The following RBFOX1 variants were observed in gnomAD, a reference collection of about 807,000 sequenced individuals.
RBFOX1 encodes RNA binding protein fox-1 homolog 1.
A neutral mutation model predicts 57.7 loss-of-function variants in RBFOX1; 8 were observed. The observed-to-expected ratio is 0.14, with a 90% CI of 0.08 to 0.25. The LOEUF (loss-of-function observed/expected upper bound fraction) is 0.25. Among genes scored for constraint, RBFOX1 ranks in the 10% least tolerant of loss-of-function variants. The probability of loss-of-function intolerance (pLI) is 1.00; values close to 1 mark genes in which losing one functional copy is unlikely to be tolerated. For synonymous variants in RBFOX1, 326 were observed against 222.4 expected (o/e 1.47, Z -4.15); for missense variants, 611 against 548.5 (o/e 1.11, Z -1.14).
At chr16:6,231,846 T>G (rs943418941) in intron 1 of RBFOX1, among the ~76,000 whole-genome samples, 6 of 151,378 alleles carry the variant, frequency 4.0e-5, no homozygotes, top group East Asian at 3.9e-4. Flanking sequence ...TTTTTTTTTT[T>G]TTTTTTGTCC....
At chr16:5,716,030 A>T (rs1038720730) in intron 3 of RBFOX1, among the ~76,000 whole-genome samples, 1 of 152,244 alleles carries the variant, frequency 6.6e-6, no homozygotes, top group Non-Finnish European at 1.5e-5. Context: ...CAAGGCAGGA[A>T]TAAGGATAAT....
intron 4 of RBFOX1, among the ~76,000 whole-genome samples, chr16:7,280,071 G>T (rs1450679293): frequency 6.6e-6 from 1 of 152,234 alleles, no homozygotes; most frequent in Non-Finnish European, 1.5e-5. Context: ...ATTCAAAACA[G>T]ATTGTGCCTG....
intron 3 of RBFOX1, among the ~76,000 whole-genome samples, chr16:6,805,637 A>T (rs1216029847): frequency 6.7e-6 from 1 of 149,904 alleles, no homozygotes; most frequent in African/African-American, 2.5e-5. Flanking sequence ...CTCTTCGAGG[A>T]TGTTTACAAG....
intron 3 of RBFOX1, among the ~76,000 whole-genome samples, chr16:6,742,092 C>T (rs192683124): frequency 8.5e-5 from 13 of 152,150 alleles, no homozygotes; most frequent in Admixed American, 6.5e-4. Flanking sequence ...TCATGTTGTA[C>T]GTGATAAATA....
chr16:6,777,265 T>A (rs970546672), intron 3 of RBFOX1, among the ~76,000 whole-genome samples: 1 of 152,128 alleles, frequency 6.6e-6, no homozygotes, highest in Non-Finnish European at 1.5e-5. Context: ...TGGCATTGCT[T>A]TTTTAGTTTT....
rs2095297428 is a variant in RBFOX1 at position 6,477,795 on chromosome 16, AT to A, written c.-64+160741del. Among the ~76,000 whole-genome samples, 4 of 152,308 alleles carry A rather than the reference AT, an allele frequency of 2.6e-5. 1 individual carries two copies. The highest frequency in any genetic ancestry group is 9.6e-5 in the African/African-American group (4 of 41,580). ...GTTTTGTCTACACTGAAAATCTGTCATTTAGTGTAGCCACCTTCGTCAGTGA... is the reference window on the plus strand; with the variant it reads ...GTTTTGTCTACACTGAAAATCTGTCATTAGTGTAGCCACCTTCGTCAGTGA... On this transcript the variant is annotated intron_variant, in intron 2 of 15. Transcript: ENST00000550418.
At chr16:6,953,168 A>C (rs1013232401) in intron 3 of RBFOX1, among the ~76,000 whole-genome samples, 1 of 152,100 alleles carries the variant, frequency 6.6e-6, no homozygotes, top group South Asian at 2.1e-4. Context: ...AAAAATAACC[A>C]TGATCATTCC....
intron 3 of RBFOX1, among the ~76,000 whole-genome samples, chr16:5,620,582 C>T (rs1567308364): frequency 6.6e-6 from 1 of 152,196 alleles, no homozygotes. Context: ...CTTGCTGTGT[C>T]TTCTTACGGC....
At chr16:5,906,562 T>C (rs2058461534) in intron 4 of RBFOX1, among the ~76,000 whole-genome samples, 2 of 152,144 alleles carry the variant, frequency 1.3e-5, no homozygotes, top group African/African-American at 2.4e-5. Context: ...CAGGACTTTA[T>C]TATGGCAGCC....
chr16:7,236,422 C>A (rs1302104882), intron 4 of RBFOX1, among the ~76,000 whole-genome samples: 1 of 152,144 alleles, frequency 6.6e-6, no homozygotes, highest in Non-Finnish European at 1.5e-5. Flanking sequence ...TGCACAACAT[C>A]TGGCCTTCAG....
intron 4 of RBFOX1, among the ~76,000 whole-genome samples, chr16:7,110,187 CAAAAAAA>C (rs59148096): frequency 7.4e-6 from 1 of 135,168 alleles, no homozygotes; most frequent in African/African-American, 2.8e-5. Flanking sequence ...CCCCGTGTCT[CAAAAAAA>C]AAAAAAAAAA....
At chr16:5,535,588 C>T (rs1253761101) in intron 2 of RBFOX1, among the ~76,000 whole-genome samples, 1 of 152,190 alleles carries the variant, frequency 6.6e-6, no homozygotes, top group Non-Finnish European at 1.5e-5. Flanking sequence ...GGGCTTACAG[C>T]TCTCCCCACT....
intron 4 of RBFOX1, among the ~76,000 whole-genome samples, chr16:7,352,031 G>A (rs965048037): frequency 4.6e-5 from 7 of 152,118 alleles, no homozygotes; most frequent in African/African-American, 1.7e-4. Context: ...GACTTGGGGT[G>A]GCTGAGAGTT....
chr16:6,111,677 G>A (rs781439721), intron 1 of RBFOX1, among the ~76,000 whole-genome samples: 93 of 152,324 alleles, frequency 6.1e-4, no homozygotes, highest in Middle Eastern at 3.4e-3. Flanking sequence ...GATGAAGGCA[G>A]TATTTCAAGG....
intron 4 of RBFOX1, among the ~76,000 whole-genome samples, chr16:7,499,036 C>A (rs939077105): frequency 2.6e-5 from 4 of 152,192 alleles, no homozygotes; most frequent in Non-Finnish European, 5.9e-5. Context: ...TCTTCCGTGA[C>A]TAGCACGTAA....
At position 6,097,103 on chromosome 16, in the gene RBFOX1, C is replaced by T. The variant is rs2096254268; in HGVS notation, c.-127+77111C>T. On this transcript the variant is annotated intron_variant, in intron 1 of 15. Transcript: ENST00000550418. The surrounding 1 kb of genome is among the most constrained non-coding windows in gnomAD (Gnocchi z 5.0). ...TGGTGGTGAGTAAGTCTTACTAGAT[C>T]TGATGGTTTGATAAGGGGAAATCGC... Among the ~76,000 whole-genome samples the T allele has an allele frequency of 6.6e-6, 1 of 152,120 alleles. No homozygotes were observed. Among genetic ancestry groups the T allele is most frequent in the African/African-American group, 2.4e-5 (1 of 41,410 alleles).
chr16:5,925,788 C>G (rs556045852), intron 4 of RBFOX1, among the ~76,000 whole-genome samples: 5 of 152,222 alleles, frequency 3.3e-5, no homozygotes, highest in African/African-American at 9.6e-5. Flanking sequence ...CACCCTCTTT[C>G]CTGAAGAGGA....
At chr16:6,588,159 A>C (rs767847071) in intron 2 of RBFOX1, among the ~76,000 whole-genome samples, 22 of 151,970 alleles carry the variant, frequency 1.4e-4, no homozygotes, top group Non-Finnish European at 2.9e-4. Context: ...TGAACCTGGG[A>C]GGCAGAGGTT....
At chr16:7,308,680 A>G (rs549437413) in intron 4 of RBFOX1, among the ~76,000 whole-genome samples, 2 of 152,318 alleles carry the variant, frequency 1.3e-5, no homozygotes, top group Non-Finnish European at 2.9e-5. Context: ...AAGCAATTGA[A>G]CTGAAACCTG....
Sources: gnomAD v4.1 joint callset for allele counts (sites outside exome capture counted in the v4.1 genomes callset) on GRCh38, gnomAD v4.1.1 for gene constraint, Gnocchi (gnomAD v3.1) non-coding constraint, MANE v1.5 for transcripts, NCBI Gene and HGNC (gene_info 2026-07-23, HGNC 2026-07-21) for gene names.